The following TRIM2 variants were observed in gnomAD, a reference collection of about 807,000 sequenced individuals.
The protein encoded by TRIM2 is tripartite motif-containing protein 2.
In TRIM2, 20 loss-of-function variants were observed where a neutral mutation model predicts 75.2. The ratio of observed to expected loss-of-function variants is 0.27; its 90% CI spans 0.19 to 0.39. The LOEUF is 0.39. Among genes scored for constraint, TRIM2 ranks in the 10% least tolerant of loss-of-function variants. The pLI, the probability that TRIM2 is intolerant of heterozygous loss-of-function variation, is 1.00. For synonymous variants in TRIM2, 373 were observed against 388.3 expected (o/e 0.96, Z 0.46); for missense variants, 660 against 990.8 (o/e 0.67, Z 4.48).
intron 1 of TRIM2, among the ~76,000 whole-genome samples, chr4:153,181,703 C>T (rs1003475240): frequency 6.6e-6 from 1 of 152,168 alleles, no homozygotes; most frequent in Non-Finnish European, 1.5e-5. Context: ...CTTCTTGTCT[C>T]GTGTGGACTC....
chr4:153,198,872 G>A (rs1734036100), intron 1 of TRIM2, among the ~76,000 whole-genome samples: 1 of 152,182 alleles, frequency 6.6e-6, no homozygotes, highest in African/African-American at 2.4e-5. Context: ...GTTGCCAAGA[G>A]TTGGGTGACT....
chr4:153,188,748 A>AC (rs900666628), intron 1 of TRIM2, among the ~76,000 whole-genome samples: 2 of 151,554 alleles, frequency 1.3e-5, no homozygotes, highest in African/African-American at 4.8e-5. Context: ...TTCCCTGAAA[A>AC]CAAAAAAAAA....
chr4:153,195,946 A>T (rs559083469), intron 1 of TRIM2, among the ~76,000 whole-genome samples: 1 of 152,300 alleles, frequency 6.6e-6, no homozygotes, highest in East Asian at 1.9e-4. Flanking sequence ...AGTAGCAGGG[A>T]TTACTGGCGT....
At position 153,234,402 on chromosome 4, in the gene TRIM2, T is replaced by C. The variant is rs570256783; in HGVS notation, c.30+29842T>C. Among the ~76,000 whole-genome samples the C allele has an allele frequency of 3.3e-5, 5 of 152,342 alleles. No individual in the cohort carries two copies. The East Asian group carries it at 9.6e-4, about 29-fold the overall frequency. ...AGTTAGTGAGTTGCAGCCAGTTTAC[T>C]GAAAAATGAAATAGAATAGGAAATA... On this transcript the variant is annotated intron_variant, in intron 1 of 11. Coordinates refer to ENST00000338700, the MANE Select transcript of TRIM2 (RefSeq NM_015271.5).
At chr4:153,314,278 G>A (rs1209493144) in intron 6 of TRIM2, among the ~76,000 whole-genome samples, 1 of 145,480 alleles carries the variant, frequency 6.9e-6, no homozygotes, top group Non-Finnish European at 1.5e-5. Flanking sequence ...AAATTAGCCG[G>A]GCGTAGTGGC....
At chr4:153,319,688 C>G (rs1386376093) in intron 8 of TRIM2, among the ~76,000 whole-genome samples, 8 of 151,856 alleles carry the variant, frequency 5.3e-5, no homozygotes. Flanking sequence ...TGAGATTGCG[C>G]CATTGCACTC....
chr4:153,158,464 TGTAATGG>T, intron 1 of TRIM2, among the ~76,000 whole-genome samples: 1 of 152,302 alleles, frequency 6.6e-6, no homozygotes, highest in East Asian at 1.9e-4. Context: ...TATAGTGATA[TGTAATGG>T]GCAACAAAAA....
chr4:153,207,630 T>A (rs553544527), intron 1 of TRIM2, among the ~76,000 whole-genome samples: 2 of 152,166 alleles, frequency 1.3e-5, no homozygotes, highest in Non-Finnish European at 2.9e-5. Flanking sequence ...CTAAATACCA[T>A]CTAAGTTTAC....
At chr4:153,212,783 G>T (rs1013929756) in intron 1 of TRIM2, among the ~76,000 whole-genome samples, 49 of 152,260 alleles carry the variant, frequency 3.2e-4, no homozygotes, top group African/African-American at 1.1e-3. Flanking sequence ...TTGTTTGGGG[G>T]CCTGTCTTCT....
At chr4:153,203,087 G>C (rs1413157819), upstream of TRIM2, among the ~76,000 whole-genome samples, 2 of 132,524 alleles carry the variant, frequency 1.5e-5, no homozygotes, top group African/African-American at 2.9e-5. Context: ...CCTGGTGACA[G>C]AGCGAGACTC....
rs1023103213 is a variant in TRIM2 at position 153,204,523 on chromosome 4, G to A, written c.-8G>A. ...CCCCAGATTGGAGGAGGCTGGCTCT[G>A]GTCTTCGATGCACAGGAGTGGCCGT... On this transcript the variant is annotated 5_prime_UTR_variant, in exon 1 of 12. Coordinates refer to ENST00000338700, the MANE Select transcript of TRIM2 (RefSeq NM_015271.5). 2 of 1,551,622 alleles carry A rather than the reference G, an allele frequency of 1.3e-6. No individual in the cohort carries two copies. The highest frequency in any genetic ancestry group is 2.7e-5 in the African/African-American group (2 of 73,056).
At chr4:153,247,057 G>A (rs1177845225) in intron 1 of TRIM2, among the ~76,000 whole-genome samples, 4 of 152,164 alleles carry the variant, frequency 2.6e-5, no homozygotes, top group Non-Finnish European at 5.9e-5. Flanking sequence ...CGCTGGAAGG[G>A]GACCAAAAGG....
intron 1 of TRIM2, among the ~76,000 whole-genome samples, chr4:153,237,282 T>C (rs1745281865): frequency 6.6e-6 from 1 of 152,202 alleles, no homozygotes; most frequent in African/African-American, 2.4e-5. Flanking sequence ...CACATTGTTG[T>C]AGGCATTTTT....
chr4:153,254,022 C>T (rs1751472899), intron 1 of TRIM2, among the ~76,000 whole-genome samples: 1 of 152,168 alleles, frequency 6.6e-6, no homozygotes, highest in African/African-American at 2.4e-5. Flanking sequence ...CAAGAACCCT[C>T]TCTTGGGGTC....
intron 10 of TRIM2, chr4:153,324,627 G>A (rs76864765): frequency 6.5e-6 from 1 of 154,502 alleles, no homozygotes; most frequent in South Asian, 2.0e-4. Flanking sequence ...TCACACATTT[G>A]GTGTTCTTTA....
chr4:153,247,247 TAG>T (rs1291664408), intron 1 of TRIM2, among the ~76,000 whole-genome samples: 3 of 152,260 alleles, frequency 2.0e-5, no homozygotes, highest in Non-Finnish European at 4.4e-5. Context: ...GGCCTGGGAC[TAG>T]AGTTAGTGTG....
At chr4:153,271,547 T>C (rs1251383909) in intron 2 of TRIM2, among the ~76,000 whole-genome samples, 2 of 152,144 alleles carry the variant, frequency 1.3e-5, no homozygotes, top group Non-Finnish European at 2.9e-5. Context: ...TTGTGGCTTT[T>C]TTGTTTGTTT....
chr4:153,221,874 G>GGAA (rs1740286146), intron 1 of TRIM2, among the ~76,000 whole-genome samples: 1 of 119,448 alleles, frequency 8.4e-6, no homozygotes, highest in Non-Finnish European at 1.8e-5. Context: ...GAGGAAGGAA[G>GGAA]GGAAGGAGGA....
At position 153,240,058 on chromosome 4, in the gene TRIM2, T is replaced by A. The variant is rs576401926; in HGVS notation, c.31-30277T>A. ...CATGTTGCCCAGGCTGGTCTCGTAC[T>A]CCTGGGCTCAAACAATCCACCCGTC... is the stretch of plus-strand genomic sequence containing the variant. On this transcript the variant is annotated intron_variant, in intron 1 of 11. Coordinates refer to ENST00000338700, the MANE Select transcript of TRIM2 (RefSeq NM_015271.5). Among the ~76,000 whole-genome samples, 5 of 152,188 alleles carry A rather than the reference T, an allele frequency of 3.3e-5. No individual in the cohort carries two copies. In the South Asian group the frequency reaches 1.0e-3, roughly 32 times the overall value.
Sources: allele counts gnomAD v4.1 joint callset (sites outside exome capture counted in the v4.1 genomes callset), GRCh38; gene constraint gnomAD v4.1.1; transcripts MANE v1.5; gene names NCBI Gene and HGNC (gene_info 2026-07-23, HGNC 2026-07-21).